The following PPL variants were observed in gnomAD, a reference collection of about 807,000 sequenced individuals.
PPL encodes the protein 190 kDa paraneoplastic pemphigus antigen.
A neutral mutation model predicts 194.4 loss-of-function variants in PPL; 198 were observed. That is an observed-to-expected ratio of 1.02 (90% confidence interval 0.91 to 1.15). The LOEUF (loss-of-function observed/expected upper bound fraction) is 1.15, where lower values mean the gene tolerates loss of function less well. PPL is among the 50% of genes most tolerant of loss of function. The pLI is 0.00. For missense variants in PPL, 2,885 were observed against 2,294.8 expected (o/e 1.26, Z -5.25); for synonymous variants, 1,220 against 972.4 (o/e 1.25, Z -4.74).
At chr16:4,917,152 AC>A (rs2088936893) in intron 1 of PPL, among the ~76,000 whole-genome samples, 3 of 152,066 alleles carry the variant, frequency 2.0e-5, no homozygotes, top group Admixed American at 2.0e-4. Context: ...AAACAAAAAA[AC>A]AAAAACAAAA....
At chr16:4,920,997 C>A (rs933062413) in intron 1 of PPL, among the ~76,000 whole-genome samples, 2 of 152,194 alleles carry the variant, frequency 1.3e-5, no homozygotes, top group Non-Finnish European at 2.9e-5. Context: ...AGAAACAGCC[C>A]CCTCAGCCTT....
At chr16:4,892,628 C>G (rs1003283988) in intron 14 of PPL, 13 of 173,736 alleles carry the variant, frequency 7.5e-5, no homozygotes, top group African/African-American at 2.8e-4. Context: ...GGCATCCTCT[C>G]GCCCTGACTT....
At chr16:4,888,712 ATT>A (rs34143557) in intron 19 of PPL, 8 of 405,722 alleles carry the variant, frequency 2.0e-5, no homozygotes, top group East Asian at 7.5e-5. Context: ...TTTATCCTGC[ATT>A]TTTTTTTTTG....
At chr16:4,903,329 G>A (rs1371911249) in intron 3 of PPL, among the ~76,000 whole-genome samples, 1 of 152,162 alleles carries the variant, frequency 6.6e-6, no homozygotes, top group East Asian at 1.9e-4. Context: ...AAGCTCACAG[G>A]TCAGGCTGGT....
Position 4,883,662 on chromosome 16 carries a change from T to C in PPL, c.4993A>G (p.Thr1665Ala). ...TCCTCCGGGGACAGCTCGCGGCCTG[T>C]GTCAGGGTGGATGACTACGATGGAG... ...RRSIVVIHPD[T>A]GRELSPEEAH... Residue 1665 changes from threonine (T) to alanine (A), a missense_variant, in exon 22 of 22, where the codon ACA becomes GCA. By Grantham distance (58) the Thr-to-Ala change is moderately conservative. Coordinates refer to ENST00000345988, the MANE Select transcript of PPL (RefSeq NM_002705.5). This position sits in a 1 kb window ranked among gnomAD's most constrained non-coding sequence, Gnocchi z 4.8. The C allele has an allele frequency of 1.2e-6, 2 of 1,614,188 alleles. No individual in the cohort carries two copies. The highest frequency in any genetic ancestry group is 1.7e-6 in the Non-Finnish European group (2 of 1,180,028).
At chr16:4,899,525 T>C in intron 6 of PPL, 141 bp from the exon 7 acceptor site, 1 of 587,322 alleles carries the variant, frequency 1.7e-6, no homozygotes, top group Non-Finnish European at 2.4e-6. Context: ...AAGCCCAGCT[T>C]AGCCACGTCC....
In PPL at chr16:4,902,360, C is replaced by A. The variant is rs1204067922; in HGVS notation, c.438+46G>T. 2 of 1,609,686 alleles carry A rather than the reference C, an allele frequency of 1.2e-6. No homozygotes were observed. The highest frequency in any genetic ancestry group is 3.4e-5 in the Admixed American group (2 of 59,568). On this transcript the variant is annotated intron_variant, in intron 4 of 21. Transcript: ENST00000345988. The surrounding 1 kb of genome is among the most constrained non-coding windows in gnomAD (Gnocchi z 4.0). ...GCTCTCCCTGCACACGCACAGCCCC[C>A]TCCCCAGCTGAAACCCTGGAGCCAG... is the stretch of plus-strand genomic sequence containing the variant.
rs143157632 is a variant in PPL, at chr16:4,929,821, G to T, written c.62+7163C>A. On this transcript the variant is annotated intron_variant, in intron 1 of 21. Coordinates refer to ENST00000345988, the MANE Select transcript of PPL (RefSeq NM_002705.5). ...CCCTCTCAGCCTCCTGAGTAGCTAA[G>T]ACTAGAGGCATGCACCACCATGCCC... 1.2e-4 allele frequency among the ~76,000 whole-genome samples: 18 copies of T among 151,868 alleles called. No individual in the cohort carries two copies. The East Asian group carries it at 3.5e-3, about 30-fold the overall frequency.
chr16:4,895,681 C>T lies in PPL; in HGVS notation c.1008G>A (p.Leu336=), dbSNP rs911422432. Residue 336 remains leucine (L), a synonymous_variant, in exon 10 of 22, where the codon CTG becomes CTA. Transcript: ENST00000345988. ...HEDVKDAQEL[L]RKVDSDLNQK... is the part of the protein sequence containing the mutation. ...GGTTCAGGTCCGAGTCCACCTTGCGCAGCAGCTCCTGAGCGTCCTTCACGT... is the reference window on the plus strand; with the variant it reads ...GGTTCAGGTCCGAGTCCACCTTGCGTAGCAGCTCCTGAGCGTCCTTCACGT... 3 of 1,613,900 alleles carry T rather than the reference C, an allele frequency of 1.9e-6. No individual in the cohort carries two copies. In the African/African-American group the frequency reaches 4.0e-5, roughly 22 times the overall value.
At position 4,894,550 on chromosome 16, in the gene PPL, G is replaced by T. The variant is rs1176763249; in HGVS notation, c.1311C>A (p.Asp437Glu). ...GAGCAATCAGCTTGTTCCCAGCGCT[G>T]TCCATGAGCTCCCAGCTCTCCCCGT... ...KNNGESWELM[D>E]SAGNKLIAPA... Residue 437 changes from aspartate (D) to glutamate (E), a missense_variant, in exon 12 of 22, where the codon GAC becomes GAA. Asp to Glu is a conservative substitution (Grantham distance 45). Transcript: ENST00000345988. 1.2e-6 allele frequency: 2 copies of T among 1,613,912 alleles called. No homozygotes were observed. Among genetic ancestry groups the T allele is most frequent in the Non-Finnish European group, 1.7e-6 (2 of 1,179,914 alleles).
At chr16:4,926,006 T>A (rs75282609) in intron 1 of PPL, among the ~76,000 whole-genome samples, 24,720 of 152,180 alleles carry the variant, frequency 0.16, 2,162 homozygotes, top group African/African-American at 0.2. Context: ...TTCTCCTAAG[T>A]TGTCCCCACA....
At chr16:4,936,435 G>A (rs565611495) in intron 1 of PPL, among the ~76,000 whole-genome samples, 2 of 152,262 alleles carry the variant, frequency 1.3e-5, no homozygotes, top group African/African-American at 4.8e-5. Flanking sequence ...GCCCCCTCCG[G>A]ACACCCATCC....
rs903751614 is a variant in PPL at position 4,883,718 on chromosome 16, T to C, written c.4937A>G (p.Lys1646Arg). Residue 1646 changes from lysine to arginine, a missense_variant, in exon 22 of 22, where the codon AAG becomes AGG. Transcript: ENST00000345988. This position sits in a 1 kb window ranked among gnomAD's most constrained non-coding sequence, Gnocchi z 4.8. ...CAGGTGGTTCTCCCGCTGCTCCCGC[T>C]TGACGGCCACGGAGCCCAGGCGCTT... ...LQKRLGSVAV[K>R]REQRENHLRR... 8.1e-6 allele frequency: 13 copies of C among 1,613,934 alleles called. No individual in the cohort carries two copies. The Admixed American group carries it at 1.0e-4, about 12-fold the overall frequency.
At chr16:4,909,149 T>C (rs2088767224) in intron 2 of PPL, among the ~76,000 whole-genome samples, 1 of 152,000 alleles carries the variant, frequency 6.6e-6, no homozygotes, top group South Asian at 2.1e-4. Flanking sequence ...GGCCCACTCC[T>C]GGGGCCCCTG....
At chr16:4,887,898 G>A (rs928966091) in intron 20 of PPL, among the ~76,000 whole-genome samples, 1 of 152,182 alleles carries the variant, frequency 6.6e-6, no homozygotes, top group African/African-American at 2.4e-5. Context: ...GCCCGGCCTT[G>A]CTGTCTTTCT....
At position 4,937,102 on chromosome 16, in the gene PPL, C is replaced by A. The variant is rs2089310591; in HGVS notation, c.-57G>T. ...GGCGGGCCGGGCGCGCACCGAGGGG[C>A]GGGCGGGAGCGCAGGTGAGCGAGCG... On this transcript the variant is annotated 5_prime_UTR_variant, in exon 1 of 22. Coordinates refer to ENST00000345988, the MANE Select transcript of PPL (RefSeq NM_002705.5). 1 of 1,154,634 alleles carries A rather than the reference C, an allele frequency of 8.7e-7. No homozygotes were observed. Among genetic ancestry groups the A allele is most frequent in the East Asian group, 4.2e-5 (1 of 23,610 alleles). 71.5% of individuals were successfully genotyped at this position (1,154,634 alleles called of 1,614,324 possible). A position where few individuals can be genotyped will look rare whatever the true frequency, so the allele number is the denominator to read the frequency against.
In PPL at chr16:4,883,430, T is replaced by C. The variant is rs945335985; in HGVS notation, c.5225A>G (p.Asp1742Gly). ...PAQYDRYVNK[D>G]MSIQELAVLV... ...GACCGCCAGCTCCTGGATGGACATA[T>C]CCTTGTTGACATAGCGGTCATACTG... Residue 1742 changes from aspartate (D) to glycine (G), a missense_variant, in exon 22 of 22, where the codon GAT becomes GGT. Asp to Gly is a moderately conservative substitution (Grantham distance 94). Transcript: ENST00000345988. The surrounding 1 kb of genome is among the most constrained non-coding windows in gnomAD (Gnocchi z 4.8). 1 of 1,614,170 alleles carries C rather than the reference T, an allele frequency of 6.2e-7. No homozygotes were observed. Among genetic ancestry groups the C allele is most frequent in the Non-Finnish European group, 8.5e-7 (1 of 1,180,004 alleles).
At chr16:4,893,518 A>G in intron 13 of PPL, 23 bp downstream of exon 13, 8 of 1,609,764 alleles carry the variant, frequency 5.0e-6, no homozygotes, top group Non-Finnish European at 6.8e-6. Context: ...CCAGAGCCTC[A>G]GGCGAGTGGC....
rs869094472 is a variant in PPL, at chr16:4,889,241, GTTTTTTTTTTTTTT to G, written c.2314-194_2314-181del. Among the ~76,000 whole-genome samples the G allele has an allele frequency of 2.4e-4, 16 of 66,634 alleles. 1 individual carries two copies. Among genetic ancestry groups the G allele is most frequent in the South Asian group, 1.2e-3 (2 of 1,684 alleles). The allele number at this position is 66,634 out of a possible 152,430, so 43.7% of individuals were successfully genotyped here. A position where few individuals can be genotyped will look rare whatever the true frequency, so the allele number is the denominator to read the frequency against. ...AAAAGGCAGTTTTTTTGTTGTTGTT[GTTTTTTTTTTTTTT>G]TTTTTTTTTTTTTTTTTTTGAGACA... On this transcript the variant is annotated intron_variant, in intron 18 of 21. Coordinates refer to ENST00000345988, the MANE Select transcript of PPL (RefSeq NM_002705.5).
Sources: gnomAD v4.1 joint callset for allele counts (sites outside exome capture counted in the v4.1 genomes callset) on GRCh38, gnomAD v4.1.1 for gene constraint, Gnocchi (gnomAD v3.1) non-coding constraint, MANE v1.5 for transcripts, NCBI Gene and HGNC (gene_info 2026-07-23, HGNC 2026-07-21) for gene names.